CADM2: variants seen among roughly 807,000 people sequenced by gnomAD.
CADM2 encodes cell adhesion molecule 2, also known as immunoglobulin superfamily member 4D.
A neutral mutation model predicts 49.8 loss-of-function variants in CADM2; 12 were observed. The ratio of observed to expected loss-of-function variants is 0.24; its 90% CI spans 0.15 to 0.39. The LOEUF (loss-of-function observed/expected upper bound fraction) is 0.39, where lower values mean the gene tolerates loss of function less well. Among genes scored for constraint, CADM2 ranks in the 10% least tolerant of loss-of-function variants. The pLI, the probability that CADM2 is intolerant of heterozygous loss-of-function variation, is 1.00. For missense variants in CADM2, 378 were observed against 492.3 expected, an observed-to-expected ratio of 0.77 and a Z score of 2.20; for synonymous variants, 214 against 175.4, an observed-to-expected ratio of 1.22 and a Z score of -1.74.
intron 1 of CADM2, among the ~76,000 whole-genome samples, chr3:85,151,373 A>G (rs2039918668): frequency 6.6e-6 from 1 of 151,330 alleles, no homozygotes; most frequent in African/African-American, 2.4e-5. Context: ...TTTTTCTGCT[A>G]GTTTTGTCCT....
At chr3:85,921,280 G>A (rs534364392) in intron 6 of CADM2, among the ~76,000 whole-genome samples, 10 of 151,582 alleles carry the variant, frequency 6.6e-5, no homozygotes, top group Admixed American at 3.3e-4. Flanking sequence ...TGAAATTTTT[G>A]TATTTCTACT....
intron 1 of CADM2, among the ~76,000 whole-genome samples, chr3:85,388,940 C>T (rs1021738133): frequency 6.6e-6 from 1 of 152,048 alleles, no homozygotes; most frequent in Non-Finnish European, 1.5e-5. Flanking sequence ...TTAATGAAAG[C>T]ACTTAATCTA....
intron 1 of CADM2, among the ~76,000 whole-genome samples, chr3:85,413,895 C>T (rs149312928): frequency 0.012 from 1,778 of 151,940 alleles, 40 homozygotes; most frequent in African/African-American, 0.04. Context: ...GACAGAGTCT[C>T]GCTGTGTTGC....
intron 1 of CADM2, among the ~76,000 whole-genome samples, chr3:85,062,000 A>G (rs938263216): frequency 2.4e-4 from 37 of 151,540 alleles, no homozygotes; most frequent in African/African-American, 8.5e-4. Context: ...GTAAGAGCTT[A>G]CATACACACA....
chr3:85,655,920 G>A (rs186942172), intron 1 of CADM2, among the ~76,000 whole-genome samples: 2 of 151,722 alleles, frequency 1.3e-5, no homozygotes, highest in East Asian at 3.9e-4. Context: ...TGCTGCATTA[G>A]TTTGTCTTCC....
chr3:85,011,308 G>A (rs73139668), intron 1 of CADM2, among the ~76,000 whole-genome samples: 25,447 of 152,030 alleles, frequency 0.17, 2,466 homozygotes, highest in African/African-American at 0.25. Flanking sequence ...ATTTAGCAGA[G>A]TGTGTTATTC....
chr3:85,855,750 C>T (rs1347080882), intron 3 of CADM2, among the ~76,000 whole-genome samples: 1 of 151,408 alleles, frequency 6.6e-6, no homozygotes, highest in Non-Finnish European at 1.5e-5. Flanking sequence ...CCTCAGCCTC[C>T]TGTGTAGCTG....
chr3:85,099,400 A>G (rs2037926185), intron 1 of CADM2, among the ~76,000 whole-genome samples: 1 of 152,182 alleles, frequency 6.6e-6, no homozygotes, highest in African/African-American at 2.4e-5. Context: ...ATAAAAGGAA[A>G]CATATGAGAC....
In CADM2 at chr3:85,633,987, G is replaced by A. The variant is rs114794294; in HGVS notation, c.62-92535G>A. Among the ~76,000 whole-genome samples the A allele has an allele frequency of 1.3e-3, 202 of 152,044 alleles. 2 individuals carry two copies. The highest frequency in any genetic ancestry group is 4.5e-3 in the African/African-American group (187 of 41,520). On this transcript the variant is annotated intron_variant, in intron 1 of 9. Transcript: ENST00000383699. ...CCCCCAAGGAAACATCTGTGGAAGC[G>A]TATGATCGGAGTTTTGGAATAATAC...
At chr3:85,601,540 A>G (rs865836017) in intron 1 of CADM2, among the ~76,000 whole-genome samples, 10 of 151,414 alleles carry the variant, frequency 6.6e-5, no homozygotes, top group African/African-American at 2.4e-4. Flanking sequence ...CCCATTTTAG[A>G]TATACTCAAA....
intron 1 of CADM2, among the ~76,000 whole-genome samples, chr3:85,381,220 AG>A: frequency 6.6e-6 from 1 of 152,042 alleles, no homozygotes; most frequent in South Asian, 2.1e-4. Flanking sequence ...CACATTCTGC[AG>A]GTTTTGGAAT....
At chr3:85,000,737 A>T (rs997456613) in intron 1 of CADM2, among the ~76,000 whole-genome samples, 1 of 151,492 alleles carries the variant, frequency 6.6e-6, no homozygotes, top group Non-Finnish European at 1.5e-5. Context: ...TGAAACACAC[A>T]TACATTTTTG....
chr3:85,569,998 T>C (rs901135976), intron 1 of CADM2, among the ~76,000 whole-genome samples: 2 of 152,190 alleles, frequency 1.3e-5, no homozygotes, highest in African/African-American at 4.8e-5. Context: ...GGAACCTAGC[T>C]CATTTTATAT....
chr3:85,806,845 T>C (rs183046813), intron 3 of CADM2, among the ~76,000 whole-genome samples: 1 of 152,252 alleles, frequency 6.6e-6, no homozygotes, highest in East Asian at 1.9e-4. Flanking sequence ...AAGGTGAATC[T>C]AATACTGTCA....
intron 1 of CADM2, among the ~76,000 whole-genome samples, chr3:85,373,680 A>T (rs1320414297): frequency 6.6e-6 from 1 of 152,194 alleles, no homozygotes; most frequent in East Asian, 1.9e-4. Flanking sequence ...AGGCATTTCC[A>T]TACATCCTCT....
At chr3:85,086,342 C>G (rs776588269) in intron 1 of CADM2, among the ~76,000 whole-genome samples, 4 of 151,814 alleles carry the variant, frequency 2.6e-5, no homozygotes, top group Non-Finnish European at 4.4e-5. Flanking sequence ...CAAATATGCT[C>G]ATAGAATGGA....
intron 8 of CADM2, among the ~76,000 whole-genome samples, chr3:86,023,355 T>C (rs930707862): frequency 2.4e-5 from 3 of 126,986 alleles, no homozygotes; most frequent in Non-Finnish European, 5.0e-5. Flanking sequence ...TGAGGTTTTT[T>C]GTTTGTTTGT....
chr3:85,716,831 C>T (rs1468007060), intron 1 of CADM2, among the ~76,000 whole-genome samples: 2 of 152,036 alleles, frequency 1.3e-5, no homozygotes, highest in Admixed American at 6.5e-5. Context: ...TTTCTGAGGC[C>T]TCTGTTCTGT....
At chr3:86,048,835 C>A (rs996905609) in intron 8 of CADM2, among the ~76,000 whole-genome samples, 4 of 152,006 alleles carry the variant, frequency 2.6e-5, no homozygotes, top group African/African-American at 9.7e-5. Flanking sequence ...ACATAAGATC[C>A]CATCTCATTT....
Sources: gnomAD v4.1 joint callset for allele counts (sites outside exome capture counted in the v4.1 genomes callset) on GRCh38, gnomAD v4.1.1 for gene constraint, MANE v1.5 for transcripts, NCBI Gene and HGNC (gene_info 2026-07-23, HGNC 2026-07-21) for gene names.